AFDN: variants seen among roughly 807,000 people sequenced by gnomAD.
AFDN encodes afadin.
AFDN carries 68 observed loss-of-function variants against 216.6 expected under a neutral mutation model. That is an observed-to-expected ratio of 0.31 (90% CI 0.26 to 0.38). The LOEUF is 0.38. Among genes scored for constraint, AFDN ranks in the 10% least tolerant of loss-of-function variants. The pLI is 1.00. For missense variants in AFDN, 2,136 were observed against 2,342.0 expected (o/e 0.91, Z 1.82); for synonymous variants, 868 against 853.7 (o/e 1.02, Z -0.29).
At chr6:167,854,026 A>G (rs1047308352) in intron 1 of AFDN, among the ~76,000 whole-genome samples, 6 of 151,988 alleles carry the variant, frequency 3.9e-5, no homozygotes, top group Non-Finnish European at 7.4e-5. Context: ...ATGAGTATCT[A>G]ATTTTACCAA....
At chr6:167,861,708 C>G (rs566343339) in intron 1 of AFDN, among the ~76,000 whole-genome samples, 6 of 152,270 alleles carry the variant, frequency 3.9e-5, no homozygotes, top group East Asian at 3.9e-4. Context: ...AATGGGCATT[C>G]CCTCTCACCC....
At chr6:167,858,461 T>C (rs138991503) in intron 1 of AFDN, among the ~76,000 whole-genome samples, 5 of 152,320 alleles carry the variant, frequency 3.3e-5, no homozygotes, top group African/African-American at 1.2e-4. Context: ...TCTCTCTGTT[T>C]TGTTAGTTTT....
chr6:167,828,355 CT>C (rs978996814), intron 1 of AFDN, among the ~76,000 whole-genome samples: 10 of 152,134 alleles, frequency 6.6e-5, no homozygotes, highest in African/African-American at 2.4e-4. Context: ...TATTGCTTCT[CT>C]GATTTCTTGA....
At chr6:167,875,579 A>G in intron 5 of AFDN, 84 bp downstream of exon 5, 5 of 1,387,840 alleles carry the variant, frequency 3.6e-6, no homozygotes, top group Non-Finnish European at 5.0e-6. Flanking sequence ...ACTTGCTTTA[A>G]CTAAAGCAAT....
At chr6:167,894,030 A>C (rs1787933027) in intron 9 of AFDN, 124 bp downstream of exon 9, 2 of 722,448 alleles carry the variant, frequency 2.8e-6, no homozygotes, top group Non-Finnish European at 4.7e-6. Context: ...AACCTATTTT[A>C]AGAAATTTAA....
In AFDN at chr6:167,914,601, G is replaced by A. The variant is rs1790809246; in HGVS notation, c.2205-43G>A. 2.9e-6 allele frequency: 4 copies of A among 1,363,986 alleles called. No individual in the cohort carries two copies. The South Asian group carries it at 3.5e-5, about 12-fold the overall frequency. The allele number at this position is 1,363,986 out of a possible 1,614,324, so 84.5% of individuals were successfully genotyped here. ...TGTGATAACATGTCTGACAATAGCT[G>A]TCTGTCATGCTAAGATTACTTAAAT... On this transcript the variant is annotated intron_variant, in intron 17 of 33. Coordinates refer to ENST00000683244, the MANE Select transcript of AFDN (RefSeq NM_001386888.1).
Position 167,924,978 on chromosome 6 carries a change from A to C in AFDN, c.3013-27A>C, listed in dbSNP as rs761954709. On this transcript the variant is annotated intron_variant, in intron 22 of 33. Transcript: ENST00000683244. The stretch of plus-strand genomic sequence containing the variant: ...CAGAAGCACTTCCATTTCAGTCATA[A>C]AATAAACCTTTGTTTTCATCCTTTA... The C allele has an allele frequency of 2.3e-5, 36 of 1,535,732 alleles. 1 individual carries two copies. In the South Asian group the frequency reaches 3.9e-4, roughly 17 times the overall value.
At chr6:167,921,948 A>G (rs935626912) in intron 21 of AFDN, among the ~76,000 whole-genome samples, 1 of 152,218 alleles carries the variant, frequency 6.6e-6, no homozygotes, top group Non-Finnish European at 1.5e-5. Context: ...AACCACTGGA[A>G]TGGGTGAGAC....
At chr6:167,838,406 C>G (rs564327580) in intron 1 of AFDN, among the ~76,000 whole-genome samples, 1 of 152,252 alleles carries the variant, frequency 6.6e-6, no homozygotes, top group South Asian at 2.1e-4. Flanking sequence ...GTTGCCCTAG[C>G]CCTTCCCTGG....
intron 2 of AFDN, among the ~76,000 whole-genome samples, chr6:167,867,950 C>G (rs536640941): frequency 2.0e-5 from 3 of 152,044 alleles, no homozygotes; most frequent in Non-Finnish European, 2.9e-5. Flanking sequence ...ATTGAAAGTG[C>G]TTTTTCAAAT....
Position 167,948,448 on chromosome 6 carries a change from A to T in AFDN, c.3801A>T (p.Thr1267=), listed in dbSNP as rs750078581. 6.2e-7 allele frequency: 1 copy of T among 1,614,228 alleles called. No individual in the cohort carries two copies. Among genetic ancestry groups the T allele is most frequent in the Admixed American group, 1.7e-5 (1 of 60,036 alleles). The change falls in exon 29 of 34, where the codon ACA becomes ACT. Residue 1267 remains threonine, a synonymous_variant. Transcript: ENST00000683244. ...PNYEEKPHMH[T]DSNHSSIAIQ... ...ATGAGGAAAAGCCACATATGCACAC[A>T]GATAGTAATCATTCCAGTATTGCAA...
At chr6:167,874,383 A>G (rs1785111914) in intron 4 of AFDN, among the ~76,000 whole-genome samples, 1 of 152,150 alleles carries the variant, frequency 6.6e-6, no homozygotes. Context: ...TTTATGATGA[A>G]AAATTGTGTC....
chr6:167,909,409 GA>G (rs35114107), intron 13 of AFDN, among the ~76,000 whole-genome samples: 6 of 150,352 alleles, frequency 4.0e-5, no homozygotes, highest in Non-Finnish European at 8.9e-5. Context: ...GTTTGCTGTT[GA>G]AAAAAAAATT....
intron 23 of AFDN, among the ~76,000 whole-genome samples, chr6:167,930,679 C>A (rs1793172474): frequency 6.6e-6 from 1 of 152,118 alleles, no homozygotes; most frequent in Non-Finnish European, 1.5e-5. Flanking sequence ...GCTTTGCAGG[C>A]CATGTGGAAT....
Position 167,889,321 on chromosome 6 carries a change from AC to A in AFDN, c.1005del (p.Asp335GlufsTer5). ...PLQIFREWPS[D>X]KGILVFQLKR... ...CAAATCTTCAGGGAATGGCCAAGTG[AC>A]AAAGGTAGTAACCTTATTAAAGGAT... On this transcript the variant is annotated frameshift_variant, in exon 7 of 34. Coordinates refer to ENST00000683244, the MANE Select transcript of AFDN (RefSeq NM_001386888.1). LOFTEE classifies it high-confidence loss of function. 1 of 1,604,890 alleles carries A rather than the reference AC, an allele frequency of 6.2e-7. No individual in the cohort carries two copies. The highest frequency in any genetic ancestry group is 8.5e-7 in the Non-Finnish European group (1 of 1,171,558).
intron 30 of AFDN, among the ~76,000 whole-genome samples, chr6:167,955,532 C>T (rs1377488247): frequency 2.0e-5 from 3 of 152,094 alleles, no homozygotes; most frequent in Non-Finnish European, 4.4e-5. Context: ...GATATTCATT[C>T]AGCAAATACT....
In AFDN at chr6:167,951,127, G is replaced by A. The variant is rs1795927769; in HGVS notation, c.3832-59G>A. The stretch of plus-strand genomic sequence containing the variant: ...TTCTGTCTGAAGATAAAATGTTTGT[G>A]GATATTTGGTAATTTCTAGTAAATG... On this transcript the variant is annotated intron_variant, in intron 29 of 33. Coordinates refer to ENST00000683244, the MANE Select transcript of AFDN (RefSeq NM_001386888.1). This position sits in a 1 kb window ranked among gnomAD's most constrained non-coding sequence, Gnocchi z 7.1. 2 of 1,494,634 alleles carry A rather than the reference G, an allele frequency of 1.3e-6. No individual in the cohort carries two copies. The highest frequency in any genetic ancestry group is 1.8e-6 in the Non-Finnish European group (2 of 1,123,588). The allele number at this position is 1,494,634 out of a possible 1,614,324, so 92.6% of individuals were successfully genotyped here. A position where few individuals can be genotyped will look rare whatever the true frequency, so the allele number is the denominator to read the frequency against.
At chr6:167,828,214 A>G (rs1779424225) in intron 1 of AFDN, among the ~76,000 whole-genome samples, 1 of 152,252 alleles carries the variant, frequency 6.6e-6, no homozygotes, top group Non-Finnish European at 1.5e-5. Context: ...GTAATAGGTA[A>G]TTTATAGTTA....
At chr6:167,845,837 A>G (rs2128149325) in intron 1 of AFDN, among the ~76,000 whole-genome samples, 2 of 152,318 alleles carry the variant, frequency 1.3e-5, no homozygotes, top group Middle Eastern at 3.4e-3. Context: ...GGTAATTTAT[A>G]AAGGAAAGAA....
Sources: gnomAD v4.1 joint callset for allele counts (sites outside exome capture counted in the v4.1 genomes callset) on GRCh38, gnomAD v4.1.1 for gene constraint, Gnocchi (gnomAD v3.1) non-coding constraint, MANE v1.5 for transcripts, NCBI Gene and HGNC (gene_info 2026-07-23, HGNC 2026-07-21) for gene names.